Variants in IL7 observed in about 807,000 individuals in gnomAD.
IL7 encodes interleukin 7, also known as interleukin-7.
A neutral mutation model predicts 21.6 loss-of-function variants in IL7; 3 were observed. The ratio of observed to expected loss-of-function variants is 0.14; its 90% CI spans 0.06 to 0.36. The LOEUF is 0.36. IL7 is among the 10% of genes least tolerant of loss of function. The probability of loss-of-function intolerance (pLI) is 1.00; values close to 1 mark genes in which losing one functional copy is unlikely to be tolerated. For missense variants in IL7, 175 were observed against 200.2 expected (o/e 0.87, Z 0.76); for synonymous variants, 62 against 68.1 (o/e 0.91, Z 0.44).
chr8:78,755,181 T>C (rs1226631462), intron 2 of IL7, among the ~76,000 whole-genome samples: 2 of 152,038 alleles, frequency 1.3e-5, no homozygotes, highest in East Asian at 3.8e-4. Flanking sequence ...TCCATTCCCT[T>C]GGTCTATGTG....
chr8:78,711,072 A>G lies in IL7; in HGVS notation n.214+10276T>C, dbSNP rs78992307. Among the ~76,000 whole-genome samples the G allele has an allele frequency of 9.5e-3, 1,447 of 152,260 alleles. 19 individuals carry two copies. Among genetic ancestry groups the G allele is most frequent in the African/African-American group, 0.033 (1,387 of 41,566 alleles). ...GCCTGACACATAATAGATGCTCATAATAGATGCTCAGGGTTTATAGTCAGT... is the reference window on the plus strand; with the variant it reads ...GCCTGACACATAATAGATGCTCATAGTAGATGCTCAGGGTTTATAGTCAGT... On this transcript the variant is annotated intron_variant and non_coding_transcript_variant, in intron 3 of 4. Coordinates refer to the IL7 transcript ENST00000523959.
chr8:78,748,892 T>C (rs1812071182), intron 2 of IL7, among the ~76,000 whole-genome samples: 1 of 152,122 alleles, frequency 6.6e-6, no homozygotes, highest in Admixed American at 6.5e-5. Flanking sequence ...GTAAAATAGA[T>C]GATGGAAAAT....
At chr8:78,728,191 C>G (rs1479182945), downstream of IL7, among the ~76,000 whole-genome samples, 1 of 151,940 alleles carries the variant, frequency 6.6e-6, no homozygotes, top group Admixed American at 6.6e-5. Context: ...AGTACAGATG[C>G]CATTTCTTCC....
intron 1 of IL7, among the ~76,000 whole-genome samples, chr8:78,798,469 C>G (rs1813938473): frequency 6.6e-6 from 1 of 151,974 alleles, no homozygotes; most frequent in African/African-American, 2.4e-5. Context: ...AAATCATAGA[C>G]TGCTTCTGAA....
At chr8:78,684,672 A>C (rs1221592128) in intron 4 of IL7, among the ~76,000 whole-genome samples, 1 of 152,240 alleles carries the variant, frequency 6.6e-6, no homozygotes, top group Non-Finnish European at 1.5e-5. Context: ...GTAATGTGGT[A>C]GGTTACTATG....
intron 4 of IL7, among the ~76,000 whole-genome samples, chr8:78,680,489 C>T (rs920100976): frequency 3.9e-5 from 6 of 152,014 alleles, no homozygotes; most frequent in African/African-American, 1.2e-4. Context: ...TTGGGTGAGT[C>T]GTATGCACAT....
chr8:78,753,356 T>C (rs1024110265), intron 2 of IL7, among the ~76,000 whole-genome samples: 2 of 152,228 alleles, frequency 1.3e-5, no homozygotes, highest in African/African-American at 4.8e-5. Flanking sequence ...TTTTTTGATA[T>C]GTTTGTTGGC....
At chr8:78,730,203 G>T (rs896650738), downstream of IL7, among the ~76,000 whole-genome samples, 1 of 151,890 alleles carries the variant, frequency 6.6e-6, no homozygotes, top group African/African-American at 2.4e-5. Context: ...CAAGAAAAAT[G>T]TACTTCATTC....
chr8:78,702,159 G>A (rs895800387), intron 3 of IL7, among the ~76,000 whole-genome samples: 5 of 152,060 alleles, frequency 3.3e-5, no homozygotes, highest in African/African-American at 1.2e-4. Context: ...CTCGTTATTT[G>A]TCTGTTCAGG....
At chr8:78,783,606 A>G (rs1208085072) in intron 2 of IL7, among the ~76,000 whole-genome samples, 2 of 152,166 alleles carry the variant, frequency 1.3e-5, no homozygotes, top group Non-Finnish European at 2.9e-5. Flanking sequence ...TCCTACAAGC[A>G]GCGATCTAAT....
chr8:78,795,481 A>G (rs1813824781), intron 2 of IL7, among the ~76,000 whole-genome samples: 1 of 152,018 alleles, frequency 6.6e-6, no homozygotes, highest in Admixed American at 6.6e-5. Context: ...TTTGAAAATA[A>G]TATAATTATT....
intron 5 of IL7, among the ~76,000 whole-genome samples, chr8:78,735,825 A>C (rs956343743): frequency 2.0e-5 from 3 of 152,184 alleles, no homozygotes; most frequent in African/African-American, 7.2e-5. Flanking sequence ...ATATAAAAGA[A>C]GAATCCATCA....
downstream of IL7, chr8:78,715,295 A>G (rs1229054678): frequency 3.1e-6 from 5 of 1,613,922 alleles, no homozygotes; most frequent in Non-Finnish European, 4.2e-6. Context: ...CTTACAAACA[A>G]AAGAAAAACA....
intron 3 of IL7, among the ~76,000 whole-genome samples, chr8:78,706,330 T>A (rs1810769978): frequency 6.6e-6 from 1 of 152,188 alleles, no homozygotes; most frequent in Non-Finnish European, 1.5e-5. Context: ...AACATCCTGC[T>A]TTGCTGGAGT....
chr8:78,735,288 TTTTTG>T (rs1811545618), intron 5 of IL7, among the ~76,000 whole-genome samples: 1 of 123,238 alleles, frequency 8.1e-6, no homozygotes, highest in African/African-American at 3.5e-5. Flanking sequence ...TTTTTTTTTT[TTTTTG>T]TTTTTTTTTT....
chr8:78,787,834 C>T (rs1219176321), intron 2 of IL7, among the ~76,000 whole-genome samples: 1 of 152,058 alleles, frequency 6.6e-6, no homozygotes, highest in Non-Finnish European at 1.5e-5. Flanking sequence ...GCTTCTATAA[C>T]AAATGTCCAT....
chr8:78,775,551 A>C (rs1274323568), intron 2 of IL7, among the ~76,000 whole-genome samples: 2 of 152,112 alleles, frequency 1.3e-5, no homozygotes, highest in Non-Finnish European at 2.9e-5. Context: ...CAAAATTCTA[A>C]TTGGAAAAAT....
intron 4 of IL7, among the ~76,000 whole-genome samples, chr8:78,685,625 A>G (rs559551781): frequency 6.6e-6 from 1 of 152,246 alleles, no homozygotes; most frequent in Non-Finnish European, 1.5e-5. Context: ...AATAGTCCAC[A>G]GTAAAGACAA....
At chr8:78,693,975 T>C (rs1164508638) in intron 3 of IL7, among the ~76,000 whole-genome samples, 1 of 152,200 alleles carries the variant, frequency 6.6e-6, no homozygotes, top group Admixed American at 6.5e-5. Flanking sequence ...CCCAGCACCA[T>C]TTATTAAATA....
Sources: gnomAD v4.1 joint callset for allele counts (sites outside exome capture counted in the v4.1 genomes callset) on GRCh38, gnomAD v4.1.1 for gene constraint, MANE v1.5 for transcripts, NCBI Gene and HGNC (gene_info 2026-07-23, HGNC 2026-07-21) for gene names.